The following ZDHHC24 variants were observed in gnomAD, a reference collection of about 807,000 sequenced individuals.
ZDHHC24 encodes the protein probable palmitoyltransferase ZDHHC24.
In ZDHHC24, 17 loss-of-function variants were observed where a neutral mutation model predicts 23.2. The observed-to-expected ratio is 0.73, with a 90% CI of 0.50 to 1.10. The LOEUF (loss-of-function observed/expected upper bound fraction) is 1.10. Ranked by LOEUF, ZDHHC24 falls within the 50% of genes least tolerant of loss-of-function variation. The pLI, the probability that ZDHHC24 is intolerant of heterozygous loss-of-function variation, is 0.00. For missense variants in ZDHHC24, 366 were observed against 393.0 expected, an observed-to-expected ratio of 0.93 and a Z score of 0.58; for synonymous variants, 186 against 194.5, an observed-to-expected ratio of 0.96 and a Z score of 0.36.
At chr11:66,525,529 A>C (rs1168139633) in intron 4 of ZDHHC24, among the ~76,000 whole-genome samples, 2 of 152,292 alleles carry the variant, frequency 1.3e-5, no homozygotes, top group East Asian at 3.9e-4. Flanking sequence ...ACACCACTGC[A>C]CTCCAGCCTG....
exon 5 of ZDHHC24, chr11:66,521,360 A>G (rs1306405304): frequency 1.9e-6 from 3 of 1,614,152 alleles, no homozygotes; most frequent in East Asian, 4.5e-5. Context: ...CAATGGAAAC[A>G]TCTATATTCT....
chr11:66,527,341 C>A (rs1159208430), intron 3 of ZDHHC24, among the ~76,000 whole-genome samples: 1 of 152,050 alleles, frequency 6.6e-6, no homozygotes, highest in African/African-American at 2.4e-5. Context: ...CCTATGATTA[C>A]ACCAGGCCTT....
chr11:66,532,677 G>C (rs1856835032), downstream of ZDHHC24: 1 of 153,132 alleles, frequency 6.5e-6, no homozygotes, highest in African/African-American at 2.4e-5. Flanking sequence ...GGTTGTTCAG[G>C]GAGAAGGGGG....
chr11:66,533,264 AAC>A, downstream of ZDHHC24: 1 of 152,322 alleles, frequency 6.6e-6, no homozygotes, highest in East Asian at 1.9e-4. Flanking sequence ...CTTATTTAAA[AAC>A]ACATACCCAC....
chr11:66,543,148 G>A (rs1857201260), intron 2 of ZDHHC24, among the ~76,000 whole-genome samples: 1 of 152,154 alleles, frequency 6.6e-6, no homozygotes, highest in Non-Finnish European at 1.5e-5. Flanking sequence ...GATGGGGGAA[G>A]AGGAACATAT....
At chr11:66,541,930 G>A (rs1404936067) in intron 2 of ZDHHC24, among the ~76,000 whole-genome samples, 1 of 151,902 alleles carries the variant, frequency 6.6e-6, no homozygotes, top group African/African-American at 2.4e-5. Flanking sequence ...GCTGGAGGAG[G>A]ATATGAGGGC....
downstream of ZDHHC24, chr11:66,531,691 G>A: frequency 1.9e-6 from 3 of 1,614,080 alleles, no homozygotes; most frequent in Non-Finnish European, 8.5e-7. Context: ...ACTACCCCCT[G>A]GAGACCTTTG....
downstream of ZDHHC24, chr11:66,531,865 C>A (rs937045944): frequency 6.3e-7 from 1 of 1,593,702 alleles, no homozygotes; most frequent in Admixed American, 1.8e-5. Context: ...CACAGTGGAG[C>A]CCTGTGGCCT....
intron 4 of ZDHHC24, chr11:66,521,648 G>T (rs1025415960): frequency 1.6e-5 from 7 of 434,882 alleles, no homozygotes; most frequent in Non-Finnish European, 8.6e-6. Flanking sequence ...GCTCACGCCT[G>T]TAATCCCAGC....
Position 66,543,687 on chromosome 11 carries a change from C to T in ZDHHC24, c.559+17G>A, listed in dbSNP as rs769941006. On this transcript the variant is annotated intron_variant, in intron 2 of 2. Transcript: ENST00000310442. ...CAGGGCCCCTGCCTCTGTGCAGAGG[C>T]CTCCCAGGCTCCCCACCTGTGAGCA... The T allele has an allele frequency of 6.4e-7, 1 of 1,556,866 alleles. No homozygotes were observed. The highest frequency in any genetic ancestry group is 1.2e-5 in the South Asian group (1 of 85,098).
chr11:66,545,785 C>T lies in ZDHHC24; in HGVS notation c.219G>A (p.Leu73=). The T allele has an allele frequency of 1.9e-6, 3 of 1,588,534 alleles. No homozygotes were observed. The highest frequency in any genetic ancestry group is 2.6e-6 in the Non-Finnish European group (3 of 1,173,080). The change falls in exon 1 of 3, where the codon CTG becomes CTA. Residue 73 remains leucine, a synonymous_variant. Coordinates refer to ENST00000310442, the MANE Select transcript of ZDHHC24 (RefSeq NM_207340.3). This position sits in a 1 kb window ranked among gnomAD's most constrained non-coding sequence, Gnocchi z 4.5. ...CGCCACGGATGCTGGGATCCGAGCG[C>T]AGGAAGAGCCCCACGTTGCCCAGCA... is the stretch of plus-strand genomic sequence containing the variant. ...LNLLGNVGLF[L]RSDPSIRGVM... is the part of the protein sequence containing the mutation.
In ZDHHC24 at chr11:66,545,710, G is replaced by T; in HGVS notation, c.281+13C>A. On this transcript the variant is annotated intron_variant, in intron 1 of 2. Coordinates refer to ENST00000310442, the MANE Select transcript of ZDHHC24 (RefSeq NM_207340.3). This position sits in a 1 kb window ranked among gnomAD's most constrained non-coding sequence, Gnocchi z 4.5. ...CTCCCACTTCTCCCCGCCCGATCCC[G>T]CACCCCACTCACGCCCAGCCCTGGC... 1 of 1,518,298 alleles carries T rather than the reference G, an allele frequency of 6.6e-7. No individual in the cohort carries two copies. 94.1% of individuals were successfully genotyped at this position (1,518,298 alleles called of 1,614,324 possible). A position where few individuals can be genotyped will look rare whatever the true frequency, so the allele number is the denominator to read the frequency against.
At position 66,538,494 on chromosome 11, in the gene ZDHHC24, G is replaced by T. The variant is rs1857048270; in HGVS notation, c.*1035C>A. Reference sequence around the variant, plus strand: ...AATCACTTGAACCCGGGAGGTGGAGGTTACAGTGAACCGAGATCGTGCCAC... The same window carrying T: ...AATCACTTGAACCCGGGAGGTGGAGTTTACAGTGAACCGAGATCGTGCCAC... On this transcript the variant is annotated 3_prime_UTR_variant, in exon 3 of 3. Transcript: ENST00000310442. The T allele has an allele frequency of 6.6e-6, 1 of 152,022 alleles. No homozygotes were observed. The highest frequency in any genetic ancestry group is 1.5e-5 in the Non-Finnish European group (1 of 68,004). The allele number at this position is 152,022 out of a possible 1,614,324, so 9.4% of individuals were successfully genotyped here.
chr11:66,543,695 G>T lies in ZDHHC24; in HGVS notation c.559+9C>A. 1 of 1,566,032 alleles carries T rather than the reference G, an allele frequency of 6.4e-7. No homozygotes were observed. Among genetic ancestry groups the T allele is most frequent in the South Asian group, 1.2e-5 (1 of 86,184 alleles). On this transcript the variant is annotated intron_variant, in intron 2 of 2. Transcript: ENST00000310442. ...CTGCCTCTGTGCAGAGGCCTCCCAG[G>T]CTCCCCACCTGTGAGCAACATGAGC...
chr11:66,529,301 G>T, intron 3 of ZDHHC24: 1 of 1,535,854 alleles, frequency 6.5e-7, no homozygotes, highest in Non-Finnish European at 8.7e-7. Context: ...AGGCAGTGAC[G>T]GAGGCAGGAC....
At chr11:66,524,645 T>G (rs151136668) in intron 4 of ZDHHC24, among the ~76,000 whole-genome samples, 9 of 152,340 alleles carry the variant, frequency 5.9e-5, no homozygotes, top group Admixed American at 4.6e-4. Flanking sequence ...GGCTCTTGAT[T>G]AAGGAATCCA....
chr11:66,545,990 C>A lies in ZDHHC24; in HGVS notation c.14G>T (p.Trp5Leu). Residue 5 changes from tryptophan (W) to leucine (L), a missense_variant, in exon 1 of 3, where the codon TGG becomes TTG. Transcript: ENST00000310442. The surrounding 1 kb of genome is among the most constrained non-coding windows in gnomAD (Gnocchi z 4.5). ...CGCCCCGTCCGTGCTCCCAGCCGCC[C>A]AGGGCTGCCCCATGGCCTGGACACC... MGQP[W>L]AAGSTDGAPA... 1 of 1,405,890 alleles carries A rather than the reference C, an allele frequency of 7.1e-7. No homozygotes were observed. Among genetic ancestry groups the A allele is most frequent in the African/African-American group, 1.5e-5 (1 of 65,774 alleles). 87.1% of individuals were successfully genotyped at this position (1,405,890 alleles called of 1,614,324 possible).
At position 66,536,471 on chromosome 11, in the gene ZDHHC24, G is replaced by A. The variant is rs186470676; in HGVS notation, c.*3058C>T. On this transcript the variant is annotated 3_prime_UTR_variant, in exon 3 of 3. Transcript: ENST00000310442. ...CTTGGGAGGCTAAGGCAGGAGAATC[G>A]CTTGAACCCAGGAAGTGAGCCAAGA... 254 of 154,158 alleles carry A rather than the reference G, an allele frequency of 1.6e-3. No homozygotes were observed. Among genetic ancestry groups the A allele is most frequent in the Middle Eastern group, 0.016 (29 of 1,862 alleles). 9.5% of individuals were successfully genotyped at this position (154,158 alleles called of 1,614,324 possible). A position where few individuals can be genotyped will look rare whatever the true frequency, so the allele number is the denominator to read the frequency against.
In ZDHHC24 at chr11:66,538,177, C is replaced by T. The variant is rs1464558351; in HGVS notation, c.*1352G>A. 6.6e-6 allele frequency: 1 copy of T among 152,010 alleles called. No individual in the cohort carries two copies. Among genetic ancestry groups the T allele is most frequent in the Non-Finnish European group, 1.5e-5 (1 of 68,024 alleles). The allele number at this position is 152,010 out of a possible 1,614,324, so 9.4% of individuals were successfully genotyped here. ...CTTCGGGAGGCCAAGGCGGGCGGAT[C>T]ACAAGGTCACGAGTTTGAGACCTGC... On this transcript the variant is annotated 3_prime_UTR_variant, in exon 3 of 3. Coordinates refer to ENST00000310442, the MANE Select transcript of ZDHHC24 (RefSeq NM_207340.3).
Sources: allele counts gnomAD v4.1 joint callset (sites outside exome capture counted in the v4.1 genomes callset), GRCh38; gene constraint gnomAD v4.1.1; non-coding constraint Gnocchi (gnomAD v3.1); transcripts MANE v1.5; gene names NCBI Gene and HGNC (gene_info 2026-07-23, HGNC 2026-07-21).